The following AGMO variants were observed in gnomAD, a reference collection of about 807,000 sequenced individuals.
AGMO encodes the protein glyceryl-ether monooxygenase.
AGMO carries 75 observed loss-of-function variants against 60.2 expected under a neutral mutation model. That is an observed-to-expected ratio of 1.25 (90% CI 1.03 to 1.51). The LOEUF is 1.51. AGMO is among the 40% of genes most tolerant of loss of function. The probability of loss-of-function intolerance (pLI) is 0.00; values close to 1 mark genes in which losing one functional copy is unlikely to be tolerated. For synonymous variants in AGMO, 261 were observed against 177.1 expected, an observed-to-expected ratio of 1.47 and a Z score of -3.76; for missense variants, 763 against 525.5, an observed-to-expected ratio of 1.45 and a Z score of -4.42.
chr7:15,393,734 C>G (rs1784247307), intron 6 of AGMO, among the ~76,000 whole-genome samples: 2 of 152,148 alleles, frequency 1.3e-5, no homozygotes, highest in African/African-American at 4.8e-5. Flanking sequence ...TTCAAGACCA[C>G]TAACTCTCTG....
At chr7:15,447,872 G>C (rs1412125513) in intron 3 of AGMO, among the ~76,000 whole-genome samples, 2 of 152,172 alleles carry the variant, frequency 1.3e-5, no homozygotes, top group African/African-American at 2.4e-5. Flanking sequence ...TCACTTCTAT[G>C]AGTGAGTTAA....
In AGMO at chr7:15,514,837, C is replaced by T. The variant is rs184230126; in HGVS notation, c.409+29935G>A. On this transcript the variant is annotated intron_variant, in intron 3 of 12. Transcript: ENST00000342526. ...ACTTCTCCAGAAATGGGTTCATCAA[C>T]TTTTGGGCAGCTTGCTCACTCCCTC... 5.2e-4 allele frequency among the ~76,000 whole-genome samples: 79 copies of T among 152,302 alleles called. No homozygotes were observed. The Middle Eastern group carries it at 0.017, about 33-fold the overall frequency.
chr7:15,297,018 CCTCT>C (rs899043580), intron 12 of AGMO, among the ~76,000 whole-genome samples: 1 of 151,944 alleles, frequency 6.6e-6, no homozygotes, highest in African/African-American at 2.4e-5. Flanking sequence ...GCTATTCATA[CCTCT>C]CTTTCTCATA....
chr7:15,187,758 T>C, the AGMO span, among the ~76,000 whole-genome samples: 1 of 152,272 alleles, frequency 6.6e-6, no homozygotes, highest in African/African-American at 2.4e-5. Context: ...TCATTCACCA[T>C]GCAAGTAGAG....
At chr7:15,473,837 A>T (rs1782519742) in intron 3 of AGMO, among the ~76,000 whole-genome samples, 1 of 152,202 alleles carries the variant, frequency 6.6e-6, no homozygotes, top group Admixed American at 6.5e-5. Context: ...TCTTAAGCTG[A>T]TAAGCAACTT....
At chr7:15,307,945 C>T (rs1185509816) in intron 12 of AGMO, among the ~76,000 whole-genome samples, 1 of 152,036 alleles carries the variant, frequency 6.6e-6, no homozygotes, top group African/African-American at 2.4e-5. Context: ...CTTGTCAATC[C>T]TATTAGTTCC....
chr7:15,557,932 G>C (rs1785190980), intron 2 of AGMO, among the ~76,000 whole-genome samples: 1 of 151,552 alleles, frequency 6.6e-6, no homozygotes, highest in Admixed American at 6.6e-5. Flanking sequence ...ATGAGTAGTG[G>C]GTGAAGGAAA....
intron 12 of AGMO, among the ~76,000 whole-genome samples, chr7:15,323,905 G>A (rs1183802011): frequency 2.6e-5 from 4 of 152,160 alleles, no homozygotes; most frequent in South Asian, 2.1e-4. Flanking sequence ...GGTTTGAAAC[G>A]TCAATGTTCT....
chr7:15,361,096 T>A (rs1353209771), intron 12 of AGMO, among the ~76,000 whole-genome samples: 1 of 152,098 alleles, frequency 6.6e-6, no homozygotes, highest in Non-Finnish European at 1.5e-5. Flanking sequence ...ATAGGAGCCA[T>A]AGGACACTGC....
intron 10 of AGMO, among the ~76,000 whole-genome samples, chr7:15,366,682 AAGG>A (rs1315918709): frequency 6.6e-6 from 1 of 152,014 alleles, no homozygotes; most frequent in African/African-American, 2.4e-5. Flanking sequence ...CATATATATA[AAGG>A]AGATTACACA....
chr7:15,332,353 T>C (rs1358175615), intron 12 of AGMO, among the ~76,000 whole-genome samples: 5 of 152,160 alleles, frequency 3.3e-5, no homozygotes, highest in African/African-American at 4.8e-5. Context: ...TGAGTTCATC[T>C]AAACTGTTAA....
At chr7:15,342,221 G>C (rs1244366937) in intron 12 of AGMO, among the ~76,000 whole-genome samples, 3 of 127,074 alleles carry the variant, frequency 2.4e-5, no homozygotes, top group African/African-American at 9.5e-5. Context: ...AGCACTAAGA[G>C]ACTTAGAGAT....
At chr7:15,199,212 C>G (rs1781210337), downstream of AGMO, among the ~76,000 whole-genome samples, 1 of 152,132 alleles carries the variant, frequency 6.6e-6, no homozygotes, top group African/African-American at 2.4e-5. Flanking sequence ...CATTACCTGT[C>G]TGGTAACCAC....
intron 12 of AGMO, among the ~76,000 whole-genome samples, chr7:15,297,036 C>T (rs1008060825): frequency 6.7e-6 from 1 of 150,254 alleles, no homozygotes; most frequent in East Asian, 1.9e-4. Flanking sequence ...TCTCATACCA[C>T]CTAGCCATCT....
At chr7:15,514,494 AG>A (rs1783757862) in intron 3 of AGMO, among the ~76,000 whole-genome samples, 2 of 152,296 alleles carry the variant, frequency 1.3e-5, no homozygotes, top group East Asian at 3.9e-4. Context: ...TTACACAGAA[AG>A]TTGAGGCTCA....
rs377297977 is a variant in AGMO at position 15,449,671 on chromosome 7, T to C, written c.410-18563A>G. Among the ~76,000 whole-genome samples the C allele has an allele frequency of 3.9e-5, 6 of 152,296 alleles. No homozygotes were observed. The East Asian group carries it at 1.2e-3, about 29-fold the overall frequency. ...CTCTATGAGGTTTGCATAGCAGAAT[T>C]GTCTAACTGCACATTACAGTGCAGT... On this transcript the variant is annotated intron_variant, in intron 3 of 12. Transcript: ENST00000342526.
At chr7:15,293,312 C>G (rs1440890702) in intron 12 of AGMO, among the ~76,000 whole-genome samples, 1 of 151,908 alleles carries the variant, frequency 6.6e-6, no homozygotes, top group Non-Finnish European at 1.5e-5. Context: ...CAATGAAACA[C>G]TAAAACTAAA....
At position 15,310,518 on chromosome 7, in the gene AGMO, G is replaced by C. The variant is rs113111870; in HGVS notation, c.1263+54996C>G. The stretch of plus-strand genomic sequence containing the variant: ...TTAAATAATTGGATCAGACAAAAAA[G>C]TCCTTATTTTCCTATATCATGTTAT... On this transcript the variant is annotated intron_variant, in intron 12 of 12. Coordinates refer to ENST00000342526, the MANE Select transcript of AGMO (RefSeq NM_001004320.2). Among the ~76,000 whole-genome samples the C allele has an allele frequency of 6.4e-4, 97 of 152,094 alleles. 1 individual carries two copies. The highest frequency in any genetic ancestry group is 2.3e-3 in the African/African-American group (94 of 41,500).
chr7:15,391,098 T>C (rs1399556404), intron 6 of AGMO, among the ~76,000 whole-genome samples, 193 bp from the exon 7 acceptor site: 1 of 152,128 alleles, frequency 6.6e-6, no homozygotes, highest in Non-Finnish European at 1.5e-5. Flanking sequence ...CAATTAATTA[T>C]ACTAAAAAGG....
Sources: gnomAD v4.1 joint callset for allele counts (sites outside exome capture counted in the v4.1 genomes callset) on GRCh38, gnomAD v4.1.1 for gene constraint, MANE v1.5 for transcripts, NCBI Gene and HGNC (gene_info 2026-07-23, HGNC 2026-07-21) for gene names.